DLGAP5: variants seen among roughly 807,000 people sequenced by gnomAD.
The protein encoded by DLGAP5 is disks large-associated protein 5.
Under a neutral mutation model 99.6 loss-of-function variants are expected in DLGAP5, and 90 were observed. The ratio of observed to expected loss-of-function variants is 0.90; its 90% CI spans 0.76 to 1.08. The LOEUF (loss-of-function observed/expected upper bound fraction) is 1.08, where lower values mean the gene tolerates loss of function less well. DLGAP5 is among the 50% of genes least tolerant of loss of function. DLGAP5 has a pLI of 0.00. For missense variants in DLGAP5, 1,036 were observed against 983.5 expected, an observed-to-expected ratio of 1.05 and a Z score of -0.71; for synonymous variants, 311 against 321.3, an observed-to-expected ratio of 0.97 and a Z score of 0.34.
chr14:55,151,847 G>A lies in DLGAP5; in HGVS notation c.2216C>T (p.Thr739Ile), dbSNP rs768214354. Residue 739 changes from threonine (T) to isoleucine (I), a missense_variant, in exon 17 of 19, where the codon ACT (threonine) becomes ATT (isoleucine). Thr to Ile is a moderately conservative substitution (Grantham distance 89). Transcript: ENST00000247191. ...ATCTGAAATTCCTTCTTTTTTGTTA[G>A]TATTAATATCATCTGCTACTCCACC... Reference protein sequence around the residue: ...LAGGVADDINTNKKEGISDVV... With the variant: ...LAGGVADDININKKEGISDVV... The A allele has an allele frequency of 1.2e-6, 2 of 1,613,726 alleles. No homozygotes were observed. Among genetic ancestry groups the A allele is most frequent in the Non-Finnish European group, 1.7e-6 (2 of 1,179,914 alleles).
chr14:55,190,192 G>A (rs544632102), intron 1 of DLGAP5, among the ~76,000 whole-genome samples: 65 of 152,106 alleles, frequency 4.3e-4, no homozygotes, highest in African/African-American at 1.5e-3. Flanking sequence ...TACCACTTTG[G>A]GAGGTCGAGG....
chr14:55,151,404 T>C (rs937877785), intron 17 of DLGAP5, among the ~76,000 whole-genome samples: 2 of 151,978 alleles, frequency 1.3e-5, no homozygotes, highest in Non-Finnish European at 2.9e-5. Context: ...AATAAAAAAA[T>C]TAGCTAGGCG....
chr14:55,151,963 T>C, intron 16 of DLGAP5, 22 bp from the exon 17 acceptor site: 2 of 1,589,486 alleles, frequency 1.3e-6, no homozygotes, highest in Non-Finnish European at 1.7e-6. Context: ...AATGGCATTA[T>C]ATTTAATTAT....
rs1352662860 is a variant in DLGAP5 at position 55,151,617 on chromosome 14, C to A, written c.2368+78G>T. 2.1e-6 allele frequency: 3 copies of A among 1,415,706 alleles called. No individual in the cohort carries two copies. The Admixed American group carries it at 6.7e-5, about 32-fold the overall frequency. 87.7% of individuals were successfully genotyped at this position (1,415,706 alleles called of 1,614,324 possible). A position where few individuals can be genotyped will look rare whatever the true frequency, so the allele number is the denominator to read the frequency against. ...TAGTTAGATCTAATGTAAAATGGAC[C>A]TTATAGGATAATTTATACCTTAATC... is the stretch of plus-strand genomic sequence containing the variant. On this transcript the variant is annotated intron_variant, in intron 17 of 18. Transcript: ENST00000247191.
intron 2 of DLGAP5, among the ~76,000 whole-genome samples, chr14:55,185,909 G>A (rs1365707155): frequency 6.6e-6 from 1 of 152,204 alleles, no homozygotes; most frequent in Non-Finnish European, 1.5e-5. Context: ...TTTTGCTGCA[G>A]TTGTTTAAAA....
At chr14:55,165,934 A>T (rs34717620) in intron 12 of DLGAP5, among the ~76,000 whole-genome samples, 1 of 152,252 alleles carries the variant, frequency 6.6e-6, no homozygotes, top group African/African-American at 2.4e-5. Flanking sequence ...GAAAAACAGA[A>T]CACTCATACA....
chr14:55,165,577 C>G (rs1273358384), intron 12 of DLGAP5, among the ~76,000 whole-genome samples: 1 of 152,018 alleles, frequency 6.6e-6, no homozygotes, highest in Non-Finnish European at 1.5e-5. Context: ...ACCTCATACC[C>G]ACTAGGATGG....
chr14:55,165,530 CA>C (rs990774030), intron 12 of DLGAP5, among the ~76,000 whole-genome samples: 52 of 144,318 alleles, frequency 3.6e-4, no homozygotes, highest in East Asian at 2.0e-3. Context: ...ACTTAAAAAA[CA>C]AAAAAAAAAA....
chr14:55,162,307 T>C (rs1882473595), intron 13 of DLGAP5, among the ~76,000 whole-genome samples: 1 of 152,112 alleles, frequency 6.6e-6, no homozygotes, highest in African/African-American at 2.4e-5. Context: ...TAACAAAATG[T>C]GTAAGTACAG....
chr14:55,185,742 C>T (rs1379194193), intron 2 of DLGAP5, among the ~76,000 whole-genome samples: 2 of 152,224 alleles, frequency 1.3e-5, no homozygotes, highest in Non-Finnish European at 2.9e-5. Context: ...CCTTGGCATC[C>T]CAAAGTGCTG....
rs1881989429 is a variant in DLGAP5 at position 55,150,839 on chromosome 14, T to C, written c.2378A>G (p.Asp793Gly). 1.9e-6 allele frequency: 3 copies of C among 1,581,486 alleles called. No homozygotes were observed. The highest frequency in any genetic ancestry group is 1.9e-5 in the Admixed American group (1 of 51,770). Residue 793 changes from aspartate (D) to glycine (G), a missense_variant, in exon 18 of 19, where the codon GAT (aspartate) becomes GGT (glycine). Transcript: ENST00000247191. The part of the protein sequence containing the change: ...ETKISQSELF[D>G]NKSLTTECHL... ...GCATTCAGTAGTGAGACTTTTATTA[T>C]CAAATAGTTCTGAAAAACAACAAAA...
chr14:55,175,276 A>T, intron 10 of DLGAP5, 70 bp downstream of exon 10: 2 of 1,468,520 alleles, frequency 1.4e-6, no homozygotes, highest in South Asian at 1.3e-5. Flanking sequence ...AAGGTTAAAA[A>T]TTTTTAGTTT....
intron 12 of DLGAP5, among the ~76,000 whole-genome samples, chr14:55,166,537 C>A (rs1463335437): frequency 2.6e-5 from 4 of 151,990 alleles, no homozygotes; most frequent in Non-Finnish European, 4.4e-5. Context: ...TAAGACCAGC[C>A]TGACCAACAT....
chr14:55,186,020 T>TA (rs1419318296), intron 2 of DLGAP5, among the ~76,000 whole-genome samples: 5 of 152,288 alleles, frequency 3.3e-5, no homozygotes, highest in African/African-American at 1.2e-4. Context: ...CCTGTACTCC[T>TA]AGCACTTTGG....
At chr14:55,154,355 A>G (rs1247631678) in intron 15 of DLGAP5, among the ~76,000 whole-genome samples, 7 of 152,200 alleles carry the variant, frequency 4.6e-5, no homozygotes. Flanking sequence ...AAGTTGTAGT[A>G]TGTTTAGCAC....
intron 12 of DLGAP5, among the ~76,000 whole-genome samples, chr14:55,164,076 C>T (rs750292029): frequency 2.0e-4 from 31 of 152,234 alleles, no homozygotes; most frequent in African/African-American, 5.5e-4. Flanking sequence ...CAGTCTCCTA[C>T]GAAGAGTTAC....
At chr14:55,169,661 C>T (rs1882783376) in intron 11 of DLGAP5, 102 bp from the exon 12 acceptor site, 1 of 1,050,206 alleles carries the variant, frequency 9.5e-7, no homozygotes, top group African/African-American at 1.7e-5. Flanking sequence ...CTAGGGCCTA[C>T]AGGTTGTTAA....
intron 18 of DLGAP5, among the ~76,000 whole-genome samples, chr14:55,149,038 G>A (rs1314807747): frequency 2.0e-5 from 3 of 151,372 alleles, no homozygotes; most frequent in Admixed American, 6.7e-5. Flanking sequence ...TATGCTACTG[G>A]GGCAACCAAT....
chr14:55,189,797 T>C (rs1300690662), intron 1 of DLGAP5, among the ~76,000 whole-genome samples: 1 of 152,158 alleles, frequency 6.6e-6, no homozygotes, highest in Non-Finnish European at 1.5e-5. Context: ...GTGTTTTTTT[T>C]TGGTTTTTAT....
Sources: gnomAD v4.1 joint callset for allele counts (sites outside exome capture counted in the v4.1 genomes callset) on GRCh38, gnomAD v4.1.1 for gene constraint, MANE v1.5 for transcripts, NCBI Gene and HGNC (gene_info 2026-07-23, HGNC 2026-07-21) for gene names.